Variants in TJP1 observed in about 807,000 individuals in gnomAD.
TJP1 encodes tight junction protein 1.
TJP1 carries 43 observed loss-of-function variants against 194.2 expected under a neutral mutation model. The ratio of observed to expected loss-of-function variants is 0.22; its 90% confidence interval spans 0.17 to 0.29. The LOEUF is 0.29. Ranked by LOEUF, TJP1 falls within the 10% of genes least tolerant of loss-of-function variation. The probability of loss-of-function intolerance (pLI) is 1.00; values close to 1 mark genes in which losing one functional copy is unlikely to be tolerated. For synonymous variants in TJP1, 801 were observed against 779.0 expected (o/e 1.03, Z -0.47); for missense variants, 1,971 against 2,185.7 (o/e 0.90, Z 1.96).
chr15:29,877,267 AG>A (rs1372500396), intron 2 of TJP1, among the ~76,000 whole-genome samples: 3 of 152,254 alleles, frequency 2.0e-5, no homozygotes, highest in Non-Finnish European at 4.4e-5. Flanking sequence ...CCAGGCTTGG[AG>A]TGCAGTGGCG....
intron 2 of TJP1, among the ~76,000 whole-genome samples, chr15:29,942,737 G>A (rs2055124042): frequency 6.6e-6 from 1 of 152,212 alleles, no homozygotes; most frequent in African/African-American, 2.4e-5. Context: ...ACACTCTGAT[G>A]TCCCGTGCAG....
At chr15:29,897,956 T>C (rs1203541601) in intron 2 of TJP1, among the ~76,000 whole-genome samples, 1 of 152,202 alleles carries the variant, frequency 6.6e-6, no homozygotes, top group Non-Finnish European at 1.5e-5. Flanking sequence ...AGATGAGACA[T>C]TGGACTATGG....
intron 2 of TJP1, among the ~76,000 whole-genome samples, chr15:29,847,280 T>G (rs1168576317): frequency 2.6e-5 from 4 of 152,058 alleles, no homozygotes; most frequent in African/African-American, 9.7e-5. Flanking sequence ...TTTTTGTATT[T>G]TTTTGTAGAG....
chr15:29,921,997 AC>A (rs1384389648), intron 2 of TJP1, among the ~76,000 whole-genome samples: 4 of 151,662 alleles, frequency 2.6e-5, no homozygotes, highest in African/African-American at 9.7e-5. Flanking sequence ...GGCATGCACC[AC>A]CCCGCCCAGC....
At chr15:29,727,841 C>T in intron 16 of TJP1, 96 bp downstream of exon 16, 1 of 961,232 alleles carries the variant, frequency 1.0e-6, no homozygotes, top group Non-Finnish European at 1.6e-6. Context: ...CAGTAATAGT[C>T]TCAGAAAAAC....
intron 19 of TJP1, 113 bp from the exon 20 acceptor site, chr15:29,720,129 T>A: frequency 1.4e-6 from 2 of 1,391,580 alleles, no homozygotes; most frequent in Non-Finnish European, 9.6e-7. Flanking sequence ...ATAACAAAAT[T>A]ATGACCTCAT....
intron 1 of TJP1, among the ~76,000 whole-genome samples, chr15:29,960,426 A>G (rs2056110732): frequency 6.6e-6 from 1 of 152,052 alleles, no homozygotes; most frequent in African/African-American, 2.4e-5. Context: ...TGAGCCCAGA[A>G]GTTTGAGACC....
intron 2 of TJP1, among the ~76,000 whole-genome samples, chr15:29,830,442 C>A (rs2050803477): frequency 6.7e-6 from 1 of 150,016 alleles, no homozygotes; most frequent in Non-Finnish European, 1.5e-5. Context: ...CATTACCATA[C>A]TATGTATATA....
At chr15:29,916,209 C>T (rs1251831198) in intron 2 of TJP1, among the ~76,000 whole-genome samples, 1 of 143,612 alleles carries the variant, frequency 7.0e-6, no homozygotes, top group East Asian at 2.0e-4. Flanking sequence ...CACTGTACTC[C>T]AGCCTGTGCG....
intron 1 of TJP1, among the ~76,000 whole-genome samples, chr15:29,802,055 G>C (rs1483324302): frequency 6.6e-6 from 1 of 152,078 alleles, no homozygotes; most frequent in African/African-American, 2.4e-5. Context: ...ATTGCTCTTG[G>C]AGACTTAAAA....
intron 1 of TJP1, among the ~76,000 whole-genome samples, chr15:29,962,109 A>G (rs754702203): frequency 2.6e-5 from 4 of 152,222 alleles, no homozygotes; most frequent in Non-Finnish European, 5.9e-5. Flanking sequence ...TAGCAAAGTC[A>G]TTTAAATCTG....
At position 29,772,155 on chromosome 15, in the gene TJP1, C is replaced by T. The variant is rs745465485; in HGVS notation, c.221G>A (p.Arg74Gln). 11 of 1,598,542 alleles carry T rather than the reference C, an allele frequency of 6.9e-6. No homozygotes were observed. The highest frequency in any genetic ancestry group is 5.7e-5 in the South Asian group (5 of 87,500). The change falls in exon 4 of 28, where the codon CGA (arginine) becomes CAA (glutamine). Residue 74 changes from arginine to glutamine, a missense_variant. Around this residue, in one of 5 missense-constraint regions of TJP1, gnomAD observed 245 missense variants for 336.6 expected, o/e 0.73. Transcript: ENST00000614355. ...TGAAACTCCGTTAACCATTGCAACT[C>T]GGTCATTTTCCCTAAGGGGAAAAGG... ...PAEGQLQEND[R>Q]VAMVNGVSMD... is the part of the protein sequence containing the mutation.
At chr15:29,903,461 T>C (rs544407880) in intron 2 of TJP1, among the ~76,000 whole-genome samples, 1 of 152,306 alleles carries the variant, frequency 6.6e-6, no homozygotes, top group African/African-American at 2.4e-5. Flanking sequence ...CTTTTTTTTT[T>C]TGAGATGGAG....
chr15:29,898,810 A>C (rs978865449), intron 2 of TJP1, among the ~76,000 whole-genome samples: 2 of 152,212 alleles, frequency 1.3e-5, no homozygotes, highest in Non-Finnish European at 2.9e-5. Context: ...TTTCACAAGC[A>C]ATTTGGACAA....
intron 1 of TJP1, among the ~76,000 whole-genome samples, chr15:29,961,434 C>T (rs1241256632): frequency 6.7e-6 from 1 of 150,204 alleles, no homozygotes; most frequent in Non-Finnish European, 1.5e-5. Flanking sequence ...CTGCAAGCTC[C>T]GCTTCCCGGG....
chr15:29,799,236 G>T (rs1595934055), intron 2 of TJP1, among the ~76,000 whole-genome samples: 1 of 152,040 alleles, frequency 6.6e-6, no homozygotes, highest in South Asian at 2.1e-4. Context: ...AAGGTAAGAA[G>T]TTATTTTATA....
intron 2 of TJP1, among the ~76,000 whole-genome samples, chr15:29,879,423 C>G (rs1398204138): frequency 6.6e-6 from 1 of 152,220 alleles, no homozygotes; most frequent in African/African-American, 2.4e-5. Flanking sequence ...TGCCCAGAAG[C>G]CTCCCTGGAG....
intron 2 of TJP1, among the ~76,000 whole-genome samples, chr15:29,866,375 A>C (rs1190331547): frequency 6.6e-6 from 1 of 152,232 alleles, no homozygotes; most frequent in Non-Finnish European, 1.5e-5. Context: ...TGGTTGCAAT[A>C]AACAGTGTGT....
chr15:29,713,262 CAT>C (rs1273570168), intron 23 of TJP1, among the ~76,000 whole-genome samples: 25 of 152,326 alleles, frequency 1.6e-4, no homozygotes, highest in Non-Finnish European at 2.8e-4. Flanking sequence ...TGGACTGAGA[CAT>C]GTGCACAGCC....
Sources: gnomAD v4.1 joint callset for allele counts (sites outside exome capture counted in the v4.1 genomes callset) on GRCh38, gnomAD v4.1.1 for gene constraint, gnomAD v4.1.1 regional missense constraint, MANE v1.5 for transcripts, NCBI Gene and HGNC (gene_info 2026-07-23, HGNC 2026-07-21) for gene names.